The following HEATR5A variants were observed in gnomAD, a reference collection of about 807,000 sequenced individuals.
HEATR5A encodes the protein HEAT repeat containing 5A.
A neutral mutation model predicts 218.8 loss-of-function variants in HEATR5A; 178 were observed. The observed-to-expected ratio is 0.81, with a 90% CI of 0.72 to 0.92. The LOEUF is 0.92. HEATR5A is among the 40% of genes least tolerant of loss of function. The pLI is 0.00. For synonymous variants in HEATR5A, 864 were observed against 871.6 expected, an observed-to-expected ratio of 0.99 and a Z score of 0.15; for missense variants, 2,420 against 2,418.9, an observed-to-expected ratio of 1.00 and a Z score of -0.01.
At chr14:31,377,125 T>TAAAAA (rs35859115) in intron 11 of HEATR5A, among the ~76,000 whole-genome samples, 26 of 125,564 alleles carry the variant, frequency 2.1e-4, no homozygotes, top group Non-Finnish European at 1.5e-4. Context: ...CCCTGTCTCT[T>TAAAAA]AAAAAAAAAA....
At chr14:31,387,758 C>T (rs1004405184) in intron 7 of HEATR5A, among the ~76,000 whole-genome samples, 9 of 152,176 alleles carry the variant, frequency 5.9e-5, no homozygotes, top group African/African-American at 9.6e-5. Flanking sequence ...GACGGGGTTT[C>T]ACCATGTTAC....
At chr14:31,396,532 G>C (rs1008759895) in intron 4 of HEATR5A, among the ~76,000 whole-genome samples, 24 of 152,178 alleles carry the variant, frequency 1.6e-4, no homozygotes, top group Non-Finnish European at 1.5e-5. Context: ...AGGAAGTTGG[G>C]CCACTGAAGG....
intron 33 of HEATR5A, among the ~76,000 whole-genome samples, chr14:31,299,556 C>T (rs1275643817): frequency 6.6e-6 from 1 of 150,664 alleles, no homozygotes; most frequent in Non-Finnish European, 1.5e-5. Flanking sequence ...CCCATCTCTA[C>T]TAAAAATACA....
intron 27 of HEATR5A, among the ~76,000 whole-genome samples, chr14:31,313,775 A>G (rs568223543): frequency 6.6e-6 from 1 of 152,194 alleles, no homozygotes; most frequent in Non-Finnish European, 1.5e-5. Context: ...ATCTATATAC[A>G]CAACACAGTA....
At chr14:31,338,955 A>G (rs905980808) in intron 21 of HEATR5A, among the ~76,000 whole-genome samples, 1 of 151,538 alleles carries the variant, frequency 6.6e-6, no homozygotes, top group African/African-American at 2.4e-5. Flanking sequence ...TGTCTCTGCT[A>G]AAAAATACAA....
chr14:31,353,194 T>C (rs1390402691), intron 16 of HEATR5A, among the ~76,000 whole-genome samples: 3 of 152,076 alleles, frequency 2.0e-5, no homozygotes, highest in East Asian at 1.9e-4. Flanking sequence ...CTTAGACATA[T>C]GAGTAAAATT....
chr14:31,401,626 A>G (rs1346633984), intron 2 of HEATR5A, among the ~76,000 whole-genome samples: 2 of 152,200 alleles, frequency 1.3e-5, no homozygotes, highest in East Asian at 3.9e-4. Context: ...CCTGGGCTCA[A>G]GCAATCCTCC....
rs1317254756 is a variant in HEATR5A, at chr14:31,292,759, T to C, written c.*546A>G. 6.6e-6 allele frequency: 1 copy of C among 152,222 alleles called. No homozygotes were observed. The highest frequency in any genetic ancestry group is 1.5e-5 in the Non-Finnish European group (1 of 68,138). 9.4% of individuals were successfully genotyped at this position (152,222 alleles called of 1,614,324 possible). A position where few individuals can be genotyped will look rare whatever the true frequency, so the allele number is the denominator to read the frequency against. ...CACCACACCCGGCTAATTTTTGTAT[T>C]TTTAGTAGAGACGGGGTTTCACCAT... On this transcript the variant is annotated 3_prime_UTR_variant, in exon 36 of 36. Transcript: ENST00000543095.
At chr14:31,362,418 T>C (rs192713865) in intron 14 of HEATR5A, among the ~76,000 whole-genome samples, 147 of 150,854 alleles carry the variant, frequency 9.7e-4, no homozygotes, top group Middle Eastern at 3.4e-3. Flanking sequence ...AAAAAAAAAG[T>C]AGAAGACTTC....
Position 31,386,562 on chromosome 14 carries a change from A to C in HEATR5A, c.1203T>G (p.Ser401Arg). Residue 401 changes from serine (S) to arginine (R), a missense_variant, in exon 9 of 36, where the codon AGT becomes AGG. By Grantham distance (110) the Ser-to-Arg change is moderately radical. Transcript: ENST00000543095. ...CAAGCCGGGTTTCCAAATTACCATC[A>C]CTCATTACGGCATCTGATAGAAATG... ...KLKKVMDAVM[S>R]DGNLETRLGS... 2 of 1,591,838 alleles carry C rather than the reference A, an allele frequency of 1.3e-6. No homozygotes were observed. The highest frequency in any genetic ancestry group is 1.7e-6 in the Non-Finnish European group (2 of 1,171,024).
At chr14:31,362,727 A>T (rs906882616) in intron 14 of HEATR5A, among the ~76,000 whole-genome samples, 1 of 150,132 alleles carries the variant, frequency 6.7e-6, no homozygotes, top group Non-Finnish European at 1.5e-5. Flanking sequence ...GCAGTGAGCC[A>T]TGATCACACA....
chr14:31,397,608 G>A (rs2139299816), intron 4 of HEATR5A, among the ~76,000 whole-genome samples: 1 of 149,926 alleles, frequency 6.7e-6, no homozygotes, highest in African/African-American at 2.5e-5. Context: ...GTAGTGAGCT[G>A]AGATCGCGCC....
intron 13 of HEATR5A, among the ~76,000 whole-genome samples, chr14:31,367,812 A>C (rs1444833267): frequency 3.9e-5 from 6 of 151,970 alleles, no homozygotes; most frequent in Non-Finnish European, 8.8e-5. Flanking sequence ...AACATACAAA[A>C]TTTATTATAA....
chr14:31,293,050 A>G lies in HEATR5A; in HGVS notation c.*255T>C. On this transcript the variant is annotated 3_prime_UTR_variant, in exon 36 of 36. Transcript: ENST00000543095. ...GATTGTTTAGTAAGTTTAGTTCTTT[A>G]GCACTTTCTTAAAATTCCTGGCAAG... 2.6e-6 allele frequency: 1 copy of G among 390,416 alleles called. No individual in the cohort carries two copies. Among genetic ancestry groups the G allele is most frequent in the East Asian group, 4.4e-5 (1 of 22,558 alleles). 24.2% of individuals were successfully genotyped at this position (390,416 alleles called of 1,614,324 possible).
intron 1 of HEATR5A, 59 bp from the exon 2 acceptor site, chr14:31,403,108 C>T (rs147557302): frequency 8.6e-5 from 65 of 754,988 alleles, no homozygotes; most frequent in South Asian, 2.8e-4. Flanking sequence ...GCAATCATAA[C>T]GGAAATCAGA....
rs147837608 is a variant in HEATR5A, at chr14:31,382,452, A to T, written c.1596+1069T>A. ...AAGGAATAATGGTGTATTTTTTTAA[A>T]TATATTTACGAGTTTGTGAGAAGTA... On this transcript the variant is annotated intron_variant, in intron 10 of 35. Coordinates refer to ENST00000543095, the MANE Select transcript of HEATR5A (RefSeq NM_015473.4). Among the ~76,000 whole-genome samples the T allele has an allele frequency of 1.6e-4, 24 of 152,296 alleles. 1 individual carries two copies. In the East Asian group the frequency reaches 4.6e-3, roughly 29 times the overall value.
chr14:31,329,672 A>G (rs1199938466), intron 22 of HEATR5A, among the ~76,000 whole-genome samples: 1 of 152,076 alleles, frequency 6.6e-6, no homozygotes, highest in African/African-American at 2.4e-5. Context: ...GCACAGTGTA[A>G]GCTGTCAGTG....
chr14:31,416,959 T>C (rs2031471578), intron 1 of HEATR5A, among the ~76,000 whole-genome samples: 1 of 152,058 alleles, frequency 6.6e-6, no homozygotes, highest in African/African-American at 2.4e-5. Context: ...AAATATTAGC[T>C]GGGCATGGTG....
rs770457017 is a variant in HEATR5A, at chr14:31,383,618, G to A, written c.1499C>T (p.Ser500Phe). The A allele has an allele frequency of 2.5e-6, 4 of 1,613,882 alleles. No homozygotes were observed. The African/African-American group carries it at 5.3e-5, about 22-fold the overall frequency. Residue 500 changes from serine to phenylalanine, a missense_variant, in exon 10 of 36, where the codon TCT (serine) becomes TTT (phenylalanine). Physicochemically the swap from Ser to Phe is radical, Grantham distance 155 (BLOSUM62 -2). Coordinates refer to ENST00000543095, the MANE Select transcript of HEATR5A (RefSeq NM_015473.4). ...GAAGCCAGTCACTGCTTCAGGTGAA[G>A]ACTTATGTCCAGTAAGCCGTTCAAG... ...RCLERLTGHK[S>F]SPEAVTGFSF...
Sources: allele counts gnomAD v4.1 joint callset (sites outside exome capture counted in the v4.1 genomes callset), GRCh38; gene constraint gnomAD v4.1.1; transcripts MANE v1.5; gene names NCBI Gene and HGNC (gene_info 2026-07-23, HGNC 2026-07-21).